KCNQ5: variants seen among roughly 807,000 people sequenced by gnomAD.
KCNQ5 encodes potassium voltage-gated channel subfamily KQT member 5.
KCNQ5 carries 30 observed loss-of-function variants against 98.2 expected under a neutral mutation model. The observed-to-expected ratio is 0.31, with a 90% CI of 0.23 to 0.41. KCNQ5 has a LOEUF of 0.41. Among genes scored for constraint, KCNQ5 ranks in the 10% least tolerant of loss-of-function variants. KCNQ5 has a pLI of 1.00. For missense variants in KCNQ5, 835 were observed against 1,182.5 expected, an observed-to-expected ratio of 0.71 and a Z score of 4.31; for synonymous variants, 458 against 449.4, an observed-to-expected ratio of 1.02 and a Z score of -0.24.
At chr6:73,003,866 A>C (rs1158723492) in intron 1 of KCNQ5, 42 bp from the exon 2 acceptor site, 1 of 1,290,758 alleles carries the variant, frequency 7.7e-7, no homozygotes, top group Non-Finnish European at 1.1e-6. Context: ...TGTGATAATA[A>C]GGTAAGGTTC....
At chr6:73,037,136 C>A (rs1240045459) in intron 2 of KCNQ5, among the ~76,000 whole-genome samples, 4 of 152,102 alleles carry the variant, frequency 2.6e-5, no homozygotes, top group African/African-American at 9.7e-5. Flanking sequence ...TGCTTCTTTG[C>A]CATATGTGTA....
intron 1 of KCNQ5, among the ~76,000 whole-genome samples, chr6:72,905,228 AT>A (rs1241270774): frequency 2.0e-5 from 3 of 151,858 alleles, no homozygotes; most frequent in South Asian, 2.1e-4. Flanking sequence ...GGAAGTTTTG[AT>A]TTTTTTTATT....
intron 1 of KCNQ5, among the ~76,000 whole-genome samples, chr6:72,700,839 A>C (rs897344805): frequency 6.6e-6 from 1 of 152,184 alleles, no homozygotes; most frequent in African/African-American, 2.4e-5. Flanking sequence ...AGAATGGCTG[A>C]GCAAACCCAT....
intron 11 of KCNQ5, among the ~76,000 whole-genome samples, chr6:73,172,160 C>T (rs1159229493): frequency 2.6e-5 from 4 of 152,038 alleles, no homozygotes; most frequent in African/African-American, 7.2e-5. Context: ...GGATTCTTGA[C>T]ATTTTCTGCT....
At chr6:73,188,834 A>G (rs1353916669) in intron 11 of KCNQ5, among the ~76,000 whole-genome samples, 1 of 152,030 alleles carries the variant, frequency 6.6e-6, no homozygotes, top group Non-Finnish European at 1.5e-5. Flanking sequence ...GATACAAAAA[A>G]TTAGCAGGTA....
chr6:72,703,696 A>G (rs1262669058), intron 1 of KCNQ5, among the ~76,000 whole-genome samples: 1 of 152,186 alleles, frequency 6.6e-6, no homozygotes, highest in Non-Finnish European at 1.5e-5. Context: ...GTATTCCTTC[A>G]TATGGTCTGA....
intron 1 of KCNQ5, among the ~76,000 whole-genome samples, chr6:73,002,777 T>C (rs1479623432): frequency 6.6e-6 from 1 of 152,168 alleles, no homozygotes; most frequent in African/African-American, 2.4e-5. Flanking sequence ...GACTGTGTGC[T>C]GATAAAACTT....
At chr6:72,687,951 G>T (rs1356904777) in intron 1 of KCNQ5, among the ~76,000 whole-genome samples, 1 of 149,602 alleles carries the variant, frequency 6.7e-6, no homozygotes, top group Non-Finnish European at 1.5e-5. Context: ...CGATTCTTCT[G>T]CCTCAGCCTC....
At chr6:72,864,455 A>T (rs1777896025) in intron 1 of KCNQ5, among the ~76,000 whole-genome samples, 1 of 152,320 alleles carries the variant, frequency 6.6e-6, no homozygotes, top group Admixed American at 6.5e-5. Context: ...AATCTGGGTC[A>T]GTACATGGCC....
At chr6:73,098,756 T>C (rs1311989110) in intron 5 of KCNQ5, among the ~76,000 whole-genome samples, 1 of 152,166 alleles carries the variant, frequency 6.6e-6, no homozygotes. Flanking sequence ...GCTAAAGTGA[T>C]TTCTTTAGTT....
chr6:72,639,839 A>T (rs2098926241), intron 1 of KCNQ5, among the ~76,000 whole-genome samples: 1 of 152,076 alleles, frequency 6.6e-6, no homozygotes, highest in Admixed American at 6.6e-5. Flanking sequence ...AAGCAGCTGG[A>T]GGTCTGTACA....
At chr6:72,962,182 A>AATATATATAT (rs369197941) in intron 1 of KCNQ5, among the ~76,000 whole-genome samples, 1 of 129,284 alleles carries the variant, frequency 7.7e-6, no homozygotes, top group Non-Finnish European at 1.6e-5. Context: ...TGTTTCTCTA[A>AATATATATAT]ATATATATAT....
chr6:73,016,551 C>T (rs1770356198), intron 2 of KCNQ5, among the ~76,000 whole-genome samples: 1 of 151,998 alleles, frequency 6.6e-6, no homozygotes, highest in Non-Finnish European at 1.5e-5. Context: ...GGATATGGCA[C>T]CAAAATTCAG....
intron 1 of KCNQ5, among the ~76,000 whole-genome samples, chr6:72,973,988 A>T (rs117543593): frequency 6.6e-6 from 1 of 152,208 alleles, no homozygotes; most frequent in Non-Finnish European, 1.5e-5. Context: ...AGGTACATTT[A>T]TGATGGGCCC....
chr6:72,703,077 C>A (rs908397145), intron 1 of KCNQ5, among the ~76,000 whole-genome samples: 10 of 152,170 alleles, frequency 6.6e-5, no homozygotes, highest in Non-Finnish European at 1.2e-4. Context: ...CACTGCTAGA[C>A]CCCCGCAGTG....
At chr6:72,801,073 G>A (rs1774623564) in intron 1 of KCNQ5, among the ~76,000 whole-genome samples, 1 of 152,048 alleles carries the variant, frequency 6.6e-6, no homozygotes, top group Non-Finnish European at 1.5e-5. Flanking sequence ...GGATAGGTGT[G>A]GTGTGGTGCT....
At chr6:72,883,904 A>C (rs1303656450) in intron 1 of KCNQ5, among the ~76,000 whole-genome samples, 3 of 152,232 alleles carry the variant, frequency 2.0e-5, no homozygotes, top group African/African-American at 7.2e-5. Flanking sequence ...AGTACCATTG[A>C]ATAAGTACAA....
At chr6:72,973,672 A>C (rs1477993088) in intron 1 of KCNQ5, among the ~76,000 whole-genome samples, 1 of 152,184 alleles carries the variant, frequency 6.6e-6, no homozygotes, top group East Asian at 1.9e-4. Flanking sequence ...AAGCAACATT[A>C]AACAGGAAAG....
At chr6:72,925,305 C>A (rs945373100) in intron 1 of KCNQ5, among the ~76,000 whole-genome samples, 4 of 152,124 alleles carry the variant, frequency 2.6e-5, no homozygotes, top group African/African-American at 9.7e-5. Flanking sequence ...CTCTTCAATC[C>A]AAATCTGTCA....
Sources: gnomAD v4.1 joint callset for allele counts (sites outside exome capture counted in the v4.1 genomes callset) on GRCh38, gnomAD v4.1.1 for gene constraint, MANE v1.5 for transcripts, NCBI Gene and HGNC (gene_info 2026-07-23, HGNC 2026-07-21) for gene names.